Variants in SVOP observed in about 807,000 individuals in gnomAD.
The protein encoded by SVOP is synaptic vesicle 2-related protein.
A neutral mutation model predicts 69.1 loss-of-function variants in SVOP; 17 were observed. The ratio of observed to expected loss-of-function variants is 0.25; its 90% CI spans 0.17 to 0.37. The LOEUF is 0.37. SVOP is among the 10% of genes least tolerant of loss of function. SVOP has a pLI of 1.00. For missense variants in SVOP, 435 were observed against 597.5 expected, an observed-to-expected ratio of 0.73 and a Z score of 2.84; for synonymous variants, 238 against 238.6, an observed-to-expected ratio of 1.00 and a Z score of 0.02.
Position 108,950,512 on chromosome 12 carries a change from A to G in SVOP, c.579-5346T>C, listed in dbSNP as rs566109914. Reference sequence around the variant, plus strand: ...ATCCTCCCACCTCAGCGTCCTGAGTAGCTGGGACTACAGGTGTGCACCACC... The same window carrying G: ...ATCCTCCCACCTCAGCGTCCTGAGTGGCTGGGACTACAGGTGTGCACCACC... On this transcript the variant is annotated intron_variant, in intron 6 of 15. Transcript: ENST00000610966. Among the ~76,000 whole-genome samples, 229 of 152,276 alleles carry G rather than the reference A, an allele frequency of 1.5e-3. 1 individual carries two copies. The highest frequency in any genetic ancestry group is 2.6e-3 in the Non-Finnish European group (179 of 68,010).
rs1593173408 is a variant in SVOP, at chr12:108,911,737, GA to G, written c.*797del. The G allele has an allele frequency of 6.6e-6, 1 of 152,318 alleles. No homozygotes were observed. The highest frequency in any genetic ancestry group is 1.9e-4 in the East Asian group (1 of 5,192). The allele number at this position is 152,318 out of a possible 1,614,324, so 9.4% of individuals were successfully genotyped here. On this transcript the variant is annotated 3_prime_UTR_variant, in exon 16 of 16. Transcript: ENST00000610966. Reference sequence around the variant, plus strand: ...TCAGCCTGACCAAGGAGGGGGCCAGGAAAGAAGTCGGAACCGTGGCCTTCGC... The same window carrying G: ...TCAGCCTGACCAAGGAGGGGGCCAGGAAGAAGTCGGAACCGTGGCCTTCGC...
Position 109,021,035 on chromosome 12 carries a change from A to C in SVOP, c.-167T>G. 1 of 541,160 alleles carries C rather than the reference A, an allele frequency of 1.8e-6. No individual in the cohort carries two copies. The highest frequency in any genetic ancestry group is 3.3e-6 in the Non-Finnish European group (1 of 302,240). 33.5% of individuals were successfully genotyped at this position (541,160 alleles called of 1,614,324 possible). On this transcript the variant is annotated 5_prime_UTR_variant, in exon 1 of 16. Transcript: ENST00000610966. ...GCCGCTGGGGACCAGCCCACGAGACAAAGCCTCCGCCGCCAGGAGACCGCG... is the reference window on the plus strand; with the variant it reads ...GCCGCTGGGGACCAGCCCACGAGACCAAGCCTCCGCCGCCAGGAGACCGCG...
At chr12:109,008,796 C>A (rs2040324209) in intron 1 of SVOP, among the ~76,000 whole-genome samples, 1 of 152,024 alleles carries the variant, frequency 6.6e-6, no homozygotes, top group South Asian at 2.1e-4. Context: ...AAGTCAGGAT[C>A]CAAAACCAAA....
intron 12 of SVOP, among the ~76,000 whole-genome samples, chr12:108,920,753 A>G (rs886411824): frequency 7.2e-5 from 11 of 152,044 alleles, no homozygotes; most frequent in Admixed American, 3.3e-4. Context: ...GCACGCCATC[A>G]TGCCCAGCTA....
At chr12:108,916,809 C>T (rs1178335846) in intron 14 of SVOP, among the ~76,000 whole-genome samples, 1 of 152,214 alleles carries the variant, frequency 6.6e-6, no homozygotes, top group Admixed American at 6.5e-5. Flanking sequence ...GTGGCACAAT[C>T]ATGGCTCACT....
At chr12:108,956,055 C>G (rs2039983718) in intron 6 of SVOP, among the ~76,000 whole-genome samples, 1 of 152,070 alleles carries the variant, frequency 6.6e-6, no homozygotes, top group Admixed American at 6.6e-5. Context: ...AATCCCAGCA[C>G]TTTGGGAGGC....
chr12:108,914,317 C>T (rs76692738), intron 15 of SVOP, among the ~76,000 whole-genome samples: 4,704 of 152,180 alleles, frequency 0.031, 245 homozygotes, highest in African/African-American at 0.11. Flanking sequence ...TGCTGAATGC[C>T]ACTGAATTGT....
At chr12:108,916,755 T>G (rs908613908) in intron 14 of SVOP, among the ~76,000 whole-genome samples, 5 of 152,206 alleles carry the variant, frequency 3.3e-5, no homozygotes, top group African/African-American at 1.2e-4. Context: ...ATTTACTTAT[T>G]TATTTGAGAC....
intron 8 of SVOP, among the ~76,000 whole-genome samples, chr12:108,939,436 GAGAA>G: frequency 6.6e-6 from 1 of 152,270 alleles, no homozygotes; most frequent in South Asian, 2.1e-4. Flanking sequence ...CTCAGTTCAA[GAGAA>G]AGAAAGAAAT....
chr12:108,932,455 T>G (rs10861985), intron 11 of SVOP, among the ~76,000 whole-genome samples: 79,283 of 152,002 alleles, frequency 0.52, 22,330 homozygotes, highest in East Asian at 0.66. Flanking sequence ...AAAGAAAAAG[T>G]AATGCTATTA....
Position 108,994,259 on chromosome 12 carries a change from C to T in SVOP, c.36-10498G>A, listed in dbSNP as rs139206098. Among the ~76,000 whole-genome samples the T allele has an allele frequency of 2.4e-4, 36 of 152,214 alleles. No homozygotes were observed. The East Asian group carries it at 6.8e-3, about 29-fold the overall frequency. Reference sequence around the variant, plus strand: ...CTATAATCCCAGCACTTTGGGAGGCCAAGGTGAGCAGATCATTTGAGGTCA... The same window carrying T: ...CTATAATCCCAGCACTTTGGGAGGCTAAGGTGAGCAGATCATTTGAGGTCA... On this transcript the variant is annotated intron_variant, in intron 1 of 15. Transcript: ENST00000610966.
At position 108,923,654 on chromosome 12, in the gene SVOP, A is replaced by G. The variant is rs138416825; in HGVS notation, c.1049-857T>C. The stretch of plus-strand genomic sequence containing the variant: ...CTCAGGCCACTAAGAAACAACACAC[A>G]TTTATCATCTCATAGTTTCTGTAGG... On this transcript the variant is annotated intron_variant, in intron 11 of 15. Coordinates refer to ENST00000610966, the MANE Select transcript of SVOP (RefSeq NM_018711.5). Among the ~76,000 whole-genome samples, 805 of 152,126 alleles carry G rather than the reference A, an allele frequency of 5.3e-3. 3 individuals are homozygous for G. The highest frequency in any genetic ancestry group is 0.018 in the African/African-American group (768 of 41,554).
chr12:108,943,842 C>T (rs36178586), intron 7 of SVOP, among the ~76,000 whole-genome samples: 78,493 of 144,328 alleles, frequency 0.54, 21,815 homozygotes, highest in South Asian at 0.63. Flanking sequence ...TCCTCCTCCT[C>T]CTTCTTCTCC....
intron 4 of SVOP, among the ~76,000 whole-genome samples, chr12:108,975,907 G>A (rs2040104089): frequency 6.6e-6 from 1 of 151,978 alleles, no homozygotes; most frequent in African/African-American, 2.4e-5. Flanking sequence ...CACCAAGTTG[G>A]CCAGCCTGGT....
intron 6 of SVOP, among the ~76,000 whole-genome samples, chr12:108,951,023 C>T (rs911198117): frequency 6.6e-6 from 1 of 152,206 alleles, no homozygotes; most frequent in South Asian, 2.1e-4. Context: ...ATTTACAGCA[C>T]TGGGCAATTA....
chr12:108,950,245 CT>C (rs36197540), intron 6 of SVOP, among the ~76,000 whole-genome samples: 3,004 of 140,716 alleles, frequency 0.021, 31 homozygotes, highest in Middle Eastern at 0.083. Flanking sequence ...CTTTTTCTTT[CT>C]TTTTTTTTTT....
At chr12:108,913,680 C>T (rs1407257448) in intron 15 of SVOP, among the ~76,000 whole-genome samples, 2 of 152,072 alleles carry the variant, frequency 1.3e-5, no homozygotes, top group East Asian at 3.9e-4. Context: ...GATGTAGTCT[C>T]GCTCTGTCTC....
At chr12:108,944,279 G>A (rs918855365) in intron 7 of SVOP, among the ~76,000 whole-genome samples, 1 of 151,896 alleles carries the variant, frequency 6.6e-6, no homozygotes, top group African/African-American at 2.4e-5. Flanking sequence ...CTGGCCTCAA[G>A]TGATCCTCTT....
chr12:108,917,838 G>A (rs570372319), intron 14 of SVOP, among the ~76,000 whole-genome samples: 2 of 151,930 alleles, frequency 1.3e-5, no homozygotes, highest in Admixed American at 6.6e-5. Context: ...TAGAGAGAGG[G>A]TCTTGCTATG....
Sources: allele counts gnomAD v4.1 joint callset (sites outside exome capture counted in the v4.1 genomes callset), GRCh38; gene constraint gnomAD v4.1.1; transcripts MANE v1.5; gene names NCBI Gene and HGNC (gene_info 2026-07-23, HGNC 2026-07-21).